The following DPM1 variants were observed in gnomAD, a reference collection of about 807,000 sequenced individuals.
DPM1 encodes dolichyl-phosphate mannosyltransferase subunit 1, catalytic, also known as dolichol-phosphate mannosyltransferase subunit 1.
DPM1 carries 27 observed loss-of-function variants against 39.0 expected under a neutral mutation model. The ratio of observed to expected loss-of-function variants is 0.69; its 90% CI spans 0.51 to 0.95. The LOEUF is 0.95. Ranked by LOEUF, DPM1 falls within the 40% of genes least tolerant of loss-of-function variation. The pLI is 0.00. For synonymous variants in DPM1, 124 were observed against 109.0 expected (o/e 1.14, Z -0.86); for missense variants, 307 against 315.6 (o/e 0.97, Z 0.21).
chr20:50,935,025 C>A lies in DPM1; in HGVS notation c.*107G>T. The A allele has an allele frequency of 6.0e-6, 4 of 665,712 alleles. No individual in the cohort carries two copies. Among genetic ancestry groups the A allele is most frequent in the South Asian group, 1.8e-5 (1 of 54,654 alleles). 41.2% of individuals were successfully genotyped at this position (665,712 alleles called of 1,614,324 possible). ...TCATAAAAAGATGCATGAAATTTAC[C>A]TTACCTTATATTTTATACTTTAAGA... is the stretch of plus-strand genomic sequence containing the variant. On this transcript the variant is annotated 3_prime_UTR_variant, in exon 9 of 9. Transcript: ENST00000371588.
At chr20:50,941,090 T>G (rs965216142) in intron 6 of DPM1, 157 bp from the exon 7 acceptor site, 10 of 866,274 alleles carry the variant, frequency 1.2e-5, no homozygotes, top group Non-Finnish European at 1.8e-5. Context: ...AAATTTTTAG[T>G]CAATGAAAGG....
In DPM1 at chr20:50,942,051, A is replaced by G. The variant is rs778874453; in HGVS notation, c.474T>C (p.Asp158=). The G allele has an allele frequency of 7.4e-6, 12 of 1,614,078 alleles. No homozygotes were observed. The highest frequency in any genetic ancestry group is 1.3e-5 in the African/African-American group (1 of 75,052). Residue 158 remains aspartate, a synonymous_variant, in exon 6 of 9, where the codon GAT becomes GAC. Coordinates refer to ENST00000371588, the MANE Select transcript of DPM1 (RefSeq NM_003859.3). ...CCTACCTGATTATTTTTCTTTTCAA[A>G]TCCCAGCCATATACACCTCCATTTC... ...YKGNGGVYGW[D]LKRKIISRGA...
chr20:50,940,699 C>T (rs56158242), intron 7 of DPM1, among the ~76,000 whole-genome samples, 166 bp downstream of exon 7: 1 of 152,312 alleles, frequency 6.6e-6, no homozygotes, highest in Non-Finnish European at 1.5e-5. Flanking sequence ...CAATATGTCT[C>T]CTTGAGATGT....
At chr20:50,940,043 A>T (rs1985578200) in intron 7 of DPM1, among the ~76,000 whole-genome samples, 1 of 151,440 alleles carries the variant, frequency 6.6e-6, no homozygotes. Context: ...AGTTCTAGAG[A>T]GGCTTCATTT....
chr20:50,945,239 G>A lies in DPM1; in HGVS notation c.398+498C>T, dbSNP rs562657505. The A allele has an allele frequency of 5.6e-4, 86 of 153,540 alleles. 2 individuals carry two copies. In the South Asian group the frequency reaches 0.017, roughly 30 times the overall value. The allele number at this position is 153,540 out of a possible 1,614,324, so 9.5% of individuals were successfully genotyped here. A position where few individuals can be genotyped will look rare whatever the true frequency, so the allele number is the denominator to read the frequency against. ...CAGATAACGAACTACCTGTTGATTT[G>A]CTCCTCAGGACTCCTAAAATACATC... On this transcript the variant is annotated intron_variant, in intron 5 of 8. Transcript: ENST00000371588.
At chr20:50,938,072 C>A (rs951496422) in intron 7 of DPM1, among the ~76,000 whole-genome samples, 4 of 152,070 alleles carry the variant, frequency 2.6e-5, no homozygotes, top group Admixed American at 6.6e-5. Flanking sequence ...TAAGATATTT[C>A]TTTTCACTGC....
intron 7 of DPM1, among the ~76,000 whole-genome samples, chr20:50,937,609 A>T (rs1342608724): frequency 1.3e-5 from 2 of 151,936 alleles, no homozygotes; most frequent in Non-Finnish European, 2.9e-5. Context: ...CTTTATTTAT[A>T]TATTTGTATT....
chr20:50,939,827 G>T (rs1985555352), intron 7 of DPM1, among the ~76,000 whole-genome samples: 1 of 150,758 alleles, frequency 6.6e-6, no homozygotes, highest in Admixed American at 6.6e-5. Context: ...GCCCAGGCTG[G>T]TCTTAAAACT....
intron 1 of DPM1, 133 bp from the exon 2 acceptor site, chr20:50,955,418 T>TG: frequency 1.5e-6 from 1 of 688,874 alleles, no homozygotes; most frequent in Non-Finnish European, 2.5e-6. Flanking sequence ...AAACTTCAAT[T>TG]ATCAAATGAA....
At chr20:50,953,049 T>A (rs1306205270) in intron 2 of DPM1, among the ~76,000 whole-genome samples, 1 of 152,238 alleles carries the variant, frequency 6.6e-6, no homozygotes, top group Non-Finnish European at 1.5e-5. Flanking sequence ...ACTTTGTCAA[T>A]TATACCTCAA....
At chr20:50,937,531 G>C (rs1985307873) in intron 7 of DPM1, among the ~76,000 whole-genome samples, 1 of 152,036 alleles carries the variant, frequency 6.6e-6, no homozygotes, top group Admixed American at 6.6e-5. Flanking sequence ...ATGCTGTTAG[G>C]GGAGGGAGCA....
At chr20:50,941,374 T>TTATATATATTCATATATATATTCA (rs1214884499) in intron 6 of DPM1, among the ~76,000 whole-genome samples, 6 of 142,824 alleles carry the variant, frequency 4.2e-5, no homozygotes. Context: ...TATATTCATA[T>TTATATATATTCATATATATATTCA]TATATATATT....
chr20:50,935,667 A>G (rs1378712503), intron 8 of DPM1, among the ~76,000 whole-genome samples: 2 of 152,176 alleles, frequency 1.3e-5, no homozygotes, highest in East Asian at 1.9e-4. Flanking sequence ...CTTGCTCTGA[A>G]TAAGAGTTTT....
At chr20:50,941,229 T>C (rs1315191670) in intron 6 of DPM1, 12 of 52,902 alleles carry the variant, frequency 2.3e-4, no homozygotes, top group African/African-American at 1.2e-3. Context: ...AAAAAGTGAA[T>C]ATATATATAT....
intron 2 of DPM1, 126 bp from the exon 3 acceptor site, chr20:50,948,788 A>G: frequency 1.2e-6 from 1 of 855,604 alleles, no homozygotes; most frequent in Non-Finnish European, 1.9e-6. Context: ...AACTTAAAGC[A>G]AAGTATCCTT....
At chr20:50,947,274 G>C (rs1986344687) in intron 3 of DPM1, among the ~76,000 whole-genome samples, 4 of 152,348 alleles carry the variant, frequency 2.6e-5, no homozygotes, top group Admixed American at 1.3e-4. Context: ...GGGAGGCTGA[G>C]GCACAAGAAT....
rs1986971942 is a variant in DPM1, at chr20:50,958,532, T to G, written c.-9A>C. Reference sequence around the variant, plus strand: ...ACTTCCAAGGAGGCCATGGCGGAACTGAGCCAGATGCCGGAAGCGGAATTA... The same window carrying G: ...ACTTCCAAGGAGGCCATGGCGGAACGGAGCCAGATGCCGGAAGCGGAATTA... On this transcript the variant is annotated 5_prime_UTR_variant, in exon 1 of 9. Coordinates refer to ENST00000371588, the MANE Select transcript of DPM1 (RefSeq NM_003859.3). 7 of 1,612,814 alleles carry G rather than the reference T, an allele frequency of 4.3e-6. No homozygotes were observed. Among genetic ancestry groups the G allele is most frequent in the Admixed American group, 1.7e-5 (1 of 59,906 alleles).
intron 7 of DPM1, among the ~76,000 whole-genome samples, chr20:50,939,859 T>G (rs992139516): frequency 4.1e-4 from 63 of 152,202 alleles, no homozygotes; most frequent in Admixed American, 1.4e-3. Context: ...GTGATCCACA[T>G]GCCTCGGCCT....
chr20:50,958,481 G>A lies in DPM1; in HGVS notation c.43C>T (p.Arg15Trp), dbSNP rs750286694. 7 of 1,613,746 alleles carry A rather than the reference G, an allele frequency of 4.3e-6. No homozygotes were observed. The highest frequency in any genetic ancestry group is 5.9e-6 in the Non-Finnish European group (7 of 1,179,978). The change falls in exon 1 of 9, where the codon CGG becomes TGG. Residue 15 changes from arginine to tryptophan, a missense_variant. This residue lies in a region of DPM1 where 206 missense variants were observed against 188.2 expected (regional missense o/e 1.09). Coordinates refer to ENST00000371588, the MANE Select transcript of DPM1 (RefSeq NM_003859.3). ...EVSRSPRRSR[R>W]ELEVRSPRQN... ...CGTGGACTGCGCACTTCCAGCTCCC[G>A]CCGAGACCTGCGAGGACTACGACTG...
Sources: allele counts gnomAD v4.1 joint callset (sites outside exome capture counted in the v4.1 genomes callset), GRCh38; gene constraint gnomAD v4.1.1; regional missense constraint gnomAD v4.1.1; transcripts MANE v1.5; gene names NCBI Gene and HGNC (gene_info 2026-07-23, HGNC 2026-07-21).